NCAPH: variants seen among roughly 807,000 people sequenced by gnomAD.
NCAPH encodes the protein non-SMC condensin I complex subunit H, also known as condensin complex subunit 2.
Under a neutral mutation model 85.5 loss-of-function variants are expected in NCAPH, and 38 were observed. That is an observed-to-expected ratio of 0.44 (90% CI 0.34 to 0.58). NCAPH has a LOEUF of 0.58. Ranked by LOEUF, NCAPH falls within the 20% of genes least tolerant of loss-of-function variation. The probability of loss-of-function intolerance (pLI) is 0.01; values close to 1 mark genes in which losing one functional copy is unlikely to be tolerated. For synonymous variants in NCAPH, 301 were observed against 335.1 expected (o/e 0.90, Z 1.11); for missense variants, 789 against 916.6 (o/e 0.86, Z 1.80).
intron 12 of NCAPH, among the ~76,000 whole-genome samples, chr2:96,362,786 G>C (rs1019369566): frequency 5.3e-5 from 8 of 152,166 alleles, no homozygotes; most frequent in African/African-American, 1.9e-4. Flanking sequence ...GTTTCCTATG[G>C]ATGAGCAAAG....
intron 1 of NCAPH, chr2:96,341,388 G>A (rs749736510): frequency 1.0e-5 from 5 of 481,582 alleles, no homozygotes; most frequent in Non-Finnish European, 1.8e-5. Context: ...TTATATCCAT[G>A]CAGTACTTAA....
chr2:96,375,611 T>C lies in NCAPH; in HGVS notation c.*2260T>C, dbSNP rs373338586. ...AACTGTGAACAATAAATCTATTGTT[T>C]ATAAATTAAGCAGTCTAAGTCATTT... On this transcript the variant is annotated 3_prime_UTR_variant, in exon 18 of 18. Coordinates refer to ENST00000240423, the MANE Select transcript of NCAPH (RefSeq NM_015341.5). Among the ~76,000 whole-genome samples the C allele has an allele frequency of 3.3e-5, 5 of 152,330 alleles. No homozygotes were observed. The highest frequency in any genetic ancestry group is 1.2e-4 in the African/African-American group (5 of 41,578).
intron 16 of NCAPH, 144 bp from the exon 17 acceptor site, chr2:96,369,281 T>C (rs1272810011): frequency 1.2e-6 from 1 of 853,634 alleles, no homozygotes; most frequent in East Asian, 2.5e-5. Flanking sequence ...AATAAGAAAC[T>C]AGAAAAATCT....
Position 96,361,820 on chromosome 2 carries a change from A to G in NCAPH, c.1587+1110A>G, listed in dbSNP as rs1616579. ...TATATATATGTGTATATATATATAT[A>G]TATATATATTTTTTTTTTTTTTTCC... On this transcript the variant is annotated intron_variant, in intron 12 of 17. Coordinates refer to ENST00000240423, the MANE Select transcript of NCAPH (RefSeq NM_015341.5). Among the ~76,000 whole-genome samples the G allele has an allele frequency of 2.6e-3, 267 of 101,692 alleles. 2 individuals are homozygous for G. The highest frequency in any genetic ancestry group is 7.6e-3 in the East Asian group (19 of 2,512). The allele number at this position is 101,692 out of a possible 152,430, so 66.7% of individuals were successfully genotyped here.
At chr2:96,349,811 T>TA (rs1386082245) in intron 6 of NCAPH, among the ~76,000 whole-genome samples, 1 of 152,222 alleles carries the variant, frequency 6.6e-6, no homozygotes, top group Admixed American at 6.5e-5. Context: ...GATTCAAACA[T>TA]GATTATGCTT....
At position 96,376,283 on chromosome 2, in the gene NCAPH, ATTGCAATTTGCAAGAGAGGGGCAAT is replaced by A. The variant is rs558095696; in HGVS notation, c.*2953_*2977del. On this transcript the variant is annotated 3_prime_UTR_variant, in exon 18 of 18. Coordinates refer to ENST00000240423, the MANE Select transcript of NCAPH (RefSeq NM_015341.5). The stretch of plus-strand genomic sequence containing the variant: ...TAGAATTTGCAATTTGCAAGAGGGA[ATTGCAATTTGCAAGAGAGGGGCAAT>A]TTGCAATTTGCAAGAGAGGGCAATT... Among the ~76,000 whole-genome samples, 30 of 152,310 alleles carry A rather than the reference ATTGCAATTTGCAAGAGAGGGGCAAT, an allele frequency of 2.0e-4. No homozygotes were observed. In the South Asian group the frequency reaches 4.6e-3, roughly 23 times the overall value.
intron 17 of NCAPH, among the ~76,000 whole-genome samples, chr2:96,370,516 T>G (rs2064758756): frequency 6.6e-6 from 1 of 152,180 alleles, no homozygotes. Flanking sequence ...ATTTTCCAGG[T>G]CTGACTCTGC....
intron 6 of NCAPH, 124 bp downstream of exon 6, chr2:96,344,353 A>G: frequency 5.7e-6 from 6 of 1,050,542 alleles, no homozygotes; most frequent in Non-Finnish European, 7.8e-6. Flanking sequence ...TAAAATATTC[A>G]ACTGATATCT....
chr2:96,354,175 C>T lies in NCAPH; in HGVS notation c.1003-8C>T. On this transcript the variant is annotated splice_polypyrimidine_tract_variant and splice_region_variant and intron_variant, in intron 8 of 17. Coordinates refer to ENST00000240423, the MANE Select transcript of NCAPH (RefSeq NM_015341.5). ...TGAGAATTACAGAACCCTCTTTTGTCCCTCCAGTCTGTGTCGGCCCTGGTA... is the reference window on the plus strand; with the variant it reads ...TGAGAATTACAGAACCCTCTTTTGTTCCTCCAGTCTGTGTCGGCCCTGGTA... The T allele has an allele frequency of 6.2e-6, 10 of 1,610,922 alleles. No individual in the cohort carries two copies. The highest frequency in any genetic ancestry group is 8.5e-6 in the Non-Finnish European group (10 of 1,178,324).
At chr2:96,358,563 G>C (rs2064555958) in intron 9 of NCAPH, among the ~76,000 whole-genome samples, 1 of 152,112 alleles carries the variant, frequency 6.6e-6, no homozygotes, top group African/African-American at 2.4e-5. Context: ...CCACCTCCTG[G>C]GTTCACGCCA....
At chr2:96,339,633 A>G (rs1054609106) in intron 1 of NCAPH, among the ~76,000 whole-genome samples, 1 of 151,112 alleles carries the variant, frequency 6.6e-6, no homozygotes, top group Non-Finnish European at 1.5e-5. Context: ...ACACCTTGTC[A>G]TCGTTTGCTG....
intron 17 of NCAPH, among the ~76,000 whole-genome samples, chr2:96,369,838 C>T (rs1185823350): frequency 1.3e-5 from 2 of 152,026 alleles, no homozygotes; most frequent in African/African-American, 4.8e-5. Flanking sequence ...GTACCAAAGT[C>T]AAGACATATG....
intron 9 of NCAPH, among the ~76,000 whole-genome samples, chr2:96,358,342 G>A (rs150869861): frequency 9.2e-5 from 14 of 152,306 alleles, no homozygotes; most frequent in East Asian, 5.8e-4. Context: ...GGATGGTGAC[G>A]AATGAGGGAT....
At chr2:96,347,424 T>C (rs1190773557) in intron 6 of NCAPH, among the ~76,000 whole-genome samples, 3 of 92,658 alleles carry the variant, frequency 3.2e-5, no homozygotes, top group Non-Finnish European at 8.7e-5. Context: ...TTGTAATATC[T>C]AAGATTTTTC....
At chr2:96,361,761 TATATATACATATATATATATACAC>T (rs1434983069) in intron 12 of NCAPH, among the ~76,000 whole-genome samples, 2 of 129,160 alleles carry the variant, frequency 1.5e-5, no homozygotes, top group African/African-American at 5.5e-5. Flanking sequence ...TATATATATA[TATATATACATATATATATATACAC>T]ATATATATGT....
chr2:96,359,668 C>T (rs1004382967), intron 10 of NCAPH, among the ~76,000 whole-genome samples: 1 of 152,238 alleles, frequency 6.6e-6, no homozygotes, highest in African/African-American at 2.4e-5. Flanking sequence ...CACTGTCACC[C>T]AGGCTGAAGT....
intron 13 of NCAPH, among the ~76,000 whole-genome samples, chr2:96,365,504 G>A (rs562525208): frequency 1.6e-3 from 245 of 152,022 alleles, no homozygotes; most frequent in Non-Finnish European, 2.6e-3. Context: ...CTGACCAGAT[G>A]GCCCCAGGAA....
intron 6 of NCAPH, among the ~76,000 whole-genome samples, chr2:96,348,652 A>G (rs2064394276): frequency 6.7e-6 from 1 of 150,006 alleles, no homozygotes; most frequent in African/African-American, 2.5e-5. Context: ...TCTTACTGTC[A>G]TTATTATTAT....
intron 12 of NCAPH, among the ~76,000 whole-genome samples, chr2:96,364,083 T>A (rs976321367): frequency 6.6e-6 from 1 of 152,206 alleles, no homozygotes; most frequent in African/African-American, 2.4e-5. Flanking sequence ...ATTACAGGTG[T>A]GAGTCACCGT....
Sources: allele counts gnomAD v4.1 joint callset (sites outside exome capture counted in the v4.1 genomes callset), GRCh38; gene constraint gnomAD v4.1.1; transcripts MANE v1.5; gene names NCBI Gene and HGNC (gene_info 2026-07-23, HGNC 2026-07-21).